The following SUMF2 variants were observed in gnomAD, a reference collection of about 807,000 sequenced individuals.
The protein encoded by SUMF2 is sulfatase modifying factor 2, also known as inactive C-alpha-formylglycine-generating enzyme 2.
A neutral mutation model predicts 44.8 loss-of-function variants in SUMF2; 45 were observed. That is an observed-to-expected ratio of 1.00 (90% CI 0.79 to 1.29). The LOEUF (loss-of-function observed/expected upper bound fraction) is 1.29, where lower values mean the gene tolerates loss of function less well. Ranked by LOEUF, SUMF2 falls within the 50% of genes most tolerant of loss-of-function variation. SUMF2 has a pLI of 0.00. For missense variants in SUMF2, 418 were observed against 389.9 expected, an observed-to-expected ratio of 1.07 and a Z score of -0.61; for synonymous variants, 148 against 150.4, an observed-to-expected ratio of 0.98 and a Z score of 0.12.
At chr7:56,087,072 CA>C in the SUMF2 span, 1 of 1,507,234 alleles carries the variant, frequency 6.6e-7, no homozygotes, top group Non-Finnish European at 9.2e-7. Context: ...GGAGCCCAGG[CA>C]GGGGCAGCCG....
chr7:56,068,019 CT>C (rs1297560634), intron 1 of SUMF2, among the ~76,000 whole-genome samples: 32 of 139,426 alleles, frequency 2.3e-4, no homozygotes, highest in Non-Finnish European at 3.1e-5. Flanking sequence ...AAGGAATTTT[CT>C]TTTTTTCTTT....
chr7:56,072,121 CA>C (rs35164639), intron 2 of SUMF2, among the ~76,000 whole-genome samples: 2,455 of 52,782 alleles, frequency 0.047, 33 homozygotes, highest in Admixed American at 0.11. Flanking sequence ...GACTCTGTCT[CA>C]AAAAAAAAAA....
chr7:56,081,986 C>T, downstream of SUMF2: 2 of 1,613,948 alleles, frequency 1.2e-6, no homozygotes, highest in Non-Finnish European at 1.7e-6. This position sits in a 1 kb window ranked among gnomAD's most constrained non-coding sequence, Gnocchi z 4.6. Flanking sequence ...GCATCTGCTT[C>T]CGGTGCCAGA....
intron 1 of SUMF2, among the ~76,000 whole-genome samples, chr7:56,068,195 G>A (rs1471166776): frequency 2.0e-5 from 3 of 151,610 alleles, no homozygotes; most frequent in East Asian, 2.0e-4. Context: ...CACCACGCCC[G>A]GCTAATTTTT....
Position 56,076,867 on chromosome 7 carries a change from C to G in SUMF2, c.569C>G (p.Pro190Arg), listed in dbSNP as rs201655158. The change falls in exon 6 of 9, where the codon CCA (proline) becomes CGA (arginine). Residue 190 changes from proline (P) to arginine (R), a missense_variant. Physicochemically the swap from Pro to Arg is moderately radical, Grantham distance 103. Coordinates refer to ENST00000434526, the MANE Select transcript of SUMF2 (RefSeq NM_015411.4). The part of the protein sequence containing the change: ...QVYPWGNWFQ[P>R]NRTNLWQGKF... ...TACCCATGGGGGAACTGGTTCCAGC[C>G]AAACCGCACCAACCTGTGGCAGGTA... 3.9e-4 allele frequency: 621 copies of G among 1,606,568 alleles called. 9 individuals carry two copies. The South Asian group carries it at 6.7e-3, about 17-fold the overall frequency.
intron 2 of SUMF2, 160 bp downstream of exon 2, chr7:56,068,798 G>A (rs529280563): frequency 7.6e-6 from 6 of 784,784 alleles, no homozygotes; most frequent in South Asian, 1.9e-5. Flanking sequence ...CACCTCCCGG[G>A]TTCAAGCAAT....
chr7:56,073,090 C>G lies in SUMF2; in HGVS notation c.318C>G (p.Asn106Lys). Residue 106 changes from asparagine to lysine, a missense_variant, in exon 3 of 9, where the codon AAC becomes AAG. Coordinates refer to ENST00000434526, the MANE Select transcript of SUMF2 (RefSeq NM_015411.4). ...ACTTTGTCTCTGATGAGCTGAGAAA[C>G]AAAGCCACCCAGCCAATGAAGGTGA... The part of the protein sequence containing the change: ...FEDFVSDELR[N>K]KATQPMKSVL... The G allele has an allele frequency of 6.2e-7, 1 of 1,614,080 alleles. No homozygotes were observed. Among genetic ancestry groups the G allele is most frequent in the Non-Finnish European group, 8.5e-7 (1 of 1,179,966 alleles).
At chr7:56,069,958 G>A (rs912726803) in intron 2 of SUMF2, among the ~76,000 whole-genome samples, 1 of 151,906 alleles carries the variant, frequency 6.6e-6, no homozygotes, top group South Asian at 2.1e-4. Flanking sequence ...GCCTAGGCTG[G>A]AGTGCAATGG....
chr7:56,080,983 C>G (rs1254446579), downstream of SUMF2: 1 of 1,569,860 alleles, frequency 6.4e-7, no homozygotes, highest in Non-Finnish European at 8.7e-7. Flanking sequence ...ACGCATCTCA[C>G]CCCTTTGACT....
chr7:56,086,209 C>T, the SUMF2 span, among the ~76,000 whole-genome samples: 1 of 151,856 alleles, frequency 6.6e-6, no homozygotes, highest in African/African-American at 2.4e-5. Flanking sequence ...ACAGTCATCC[C>T]TCTTTATCTG....
At chr7:56,078,907 T>C (rs1795770949) in intron 8 of SUMF2, 1 of 480,654 alleles carries the variant, frequency 2.1e-6, no homozygotes, top group East Asian at 3.2e-5. Context: ...AAAATCTTTT[T>C]TTTTTTTGAG....
intron 6 of SUMF2, 125 bp from the exon 7 acceptor site, chr7:56,077,977 A>C (rs1795673716): frequency 2.3e-4 from 174 of 748,118 alleles, no homozygotes; most frequent in Non-Finnish European, 3.2e-4. Context: ...ATCTTAGGTC[A>C]CCGCCCCGTG....
At chr7:56,087,940 C>G in the SUMF2 span, among the ~76,000 whole-genome samples, 1 of 148,352 alleles carries the variant, frequency 6.7e-6, no homozygotes, top group Admixed American at 6.8e-5. Context: ...CAGGCACAGA[C>G]AGGTGATTTG....
intron 4 of SUMF2, 75 bp downstream of exon 4, chr7:56,074,293 C>T: frequency 7.0e-7 from 1 of 1,423,814 alleles, no homozygotes; most frequent in Admixed American, 1.7e-5. Flanking sequence ...TCCTCTCTAC[C>T]CCTCGTACAT....
rs752073085 is a variant in SUMF2, at chr7:56,074,244, T to C, written c.384+26T>C. On this transcript the variant is annotated intron_variant, in intron 4 of 8. Transcript: ENST00000434526. Reference sequence around the variant, plus strand: ...GTAAGGGCTGATTCCGCTACCTCATTTTCTACCCCTGCTTGACTCTTATTC... The same window carrying C: ...GTAAGGGCTGATTCCGCTACCTCATCTTCTACCCCTGCTTGACTCTTATTC... 66 of 1,609,618 alleles carry C rather than the reference T, an allele frequency of 4.1e-5. 1 individual carries two copies. Among genetic ancestry groups the C allele is most frequent in the Non-Finnish European group, 4.2e-5 (49 of 1,176,268 alleles).
At chr7:56,075,097 CAAAAG>C (rs1416525031) in intron 5 of SUMF2, among the ~76,000 whole-genome samples, 1 of 151,286 alleles carries the variant, frequency 6.6e-6, no homozygotes, top group African/African-American at 2.4e-5. Flanking sequence ...GACCCTGTCT[CAAAAG>C]AAAAAGCGGG....
chr7:56,086,985 A>G, the SUMF2 span: 1 of 1,613,316 alleles, frequency 6.2e-7, no homozygotes, highest in Non-Finnish European at 8.5e-7. Context: ...AAACACCAAG[A>G]AGAAGAAAGT....
intron 2 of SUMF2, 142 bp from the exon 3 acceptor site, chr7:56,072,855 T>C (rs76519777): frequency 0.058 from 35,802 of 615,010 alleles, 1,551 homozygotes; most frequent in East Asian, 0.2. Flanking sequence ...TCACTCAGGC[T>C]TCAGGTTAAT....
Position 56,079,813 on chromosome 7 carries a change from A to G in SUMF2, c.*201A>G, listed in dbSNP as rs1240210935. On this transcript the variant is annotated 3_prime_UTR_variant, in exon 9 of 9. Coordinates refer to ENST00000434526, the MANE Select transcript of SUMF2 (RefSeq NM_015411.4). ...CTCCTGTGTTTTGGAGAAGGGGCCC[A>G]ATGTGTGTTGACGATGGCTGGGGGC... 2 of 1,552,526 alleles carry G rather than the reference A, an allele frequency of 1.3e-6. No homozygotes were observed. Among genetic ancestry groups the G allele is most frequent in the African/African-American group, 1.4e-5 (1 of 73,066 alleles).
Sources: allele counts gnomAD v4.1 joint callset (sites outside exome capture counted in the v4.1 genomes callset), GRCh38; gene constraint gnomAD v4.1.1; non-coding constraint Gnocchi (gnomAD v3.1); transcripts MANE v1.5; gene names NCBI Gene and HGNC (gene_info 2026-07-23, HGNC 2026-07-21).